The following SEMA3C variants were observed in gnomAD, a reference collection of about 807,000 sequenced individuals.
The protein encoded by SEMA3C is semaphorin-3C.
A neutral mutation model predicts 89.4 loss-of-function variants in SEMA3C; 47 were observed. The observed-to-expected ratio is 0.53, with a 90% CI of 0.42 to 0.67. The LOEUF (loss-of-function observed/expected upper bound fraction) is 0.67. SEMA3C is among the 30% of genes least tolerant of loss of function. SEMA3C has a pLI of 0.00. For missense variants in SEMA3C, 839 were observed against 929.1 expected (o/e 0.90, Z 1.26); for synonymous variants, 310 against 320.2 (o/e 0.97, Z 0.34).
chr7:80,881,091 ATGT>A (rs1791326420), intron 2 of SEMA3C, among the ~76,000 whole-genome samples: 1 of 151,636 alleles, frequency 6.6e-6, no homozygotes, highest in African/African-American at 2.4e-5. Context: ...AGGATGTACG[ATGT>A]TGTTTCTGAT....
intron 4 of SEMA3C, among the ~76,000 whole-genome samples, chr7:80,819,196 T>C (rs1336849846): frequency 6.8e-6 from 1 of 146,278 alleles, no homozygotes; most frequent in African/African-American, 2.5e-5. Context: ...TCCATTTTTT[T>C]ATTGTTAAAA....
chr7:80,765,375 CA>C, intron 12 of SEMA3C, 132 bp from the exon 13 acceptor site: 2 of 620,748 alleles, frequency 3.2e-6, no homozygotes, highest in South Asian at 2.2e-5. Context: ...TGTATTAAGC[CA>C]CTGCCATGTG....
chr7:80,864,022 A>G (rs1790866325), intron 2 of SEMA3C, among the ~76,000 whole-genome samples: 1 of 151,672 alleles, frequency 6.6e-6, no homozygotes, highest in African/African-American at 2.4e-5. Flanking sequence ...TATATCACAT[A>G]TATATCACAT....
intron 2 of SEMA3C, among the ~76,000 whole-genome samples, chr7:80,841,350 C>T (rs1042519474): frequency 6.6e-6 from 1 of 152,072 alleles, no homozygotes; most frequent in Admixed American, 6.6e-5. Flanking sequence ...AAAGTCTTGA[C>T]AAAAATGCAA....
intron 16 of SEMA3C, among the ~76,000 whole-genome samples, chr7:80,749,782 G>A (rs914420713): frequency 2.0e-5 from 3 of 152,046 alleles, no homozygotes; most frequent in Non-Finnish European, 4.4e-5. Flanking sequence ...AATAAAGCAG[G>A]AATAATAAGA....
In SEMA3C at chr7:80,743,670, T is replaced by G. The variant is rs1787732284; in HGVS notation, c.*1224A>C. ...TTATTCTAATAAAATTATTCTAACA[T>G]ACAATTAGGAGATAATTATTTTATT... is the stretch of plus-strand genomic sequence containing the variant. On this transcript the variant is annotated 3_prime_UTR_variant, in exon 18 of 18. Coordinates refer to ENST00000265361, the MANE Select transcript of SEMA3C (RefSeq NM_006379.5). The G allele has an allele frequency of 6.6e-6, 1 of 151,724 alleles. No homozygotes were observed. Among genetic ancestry groups the G allele is most frequent in the Admixed American group, 6.6e-5 (1 of 15,246 alleles). The allele number at this position is 151,724 out of a possible 1,614,324, so 9.4% of individuals were successfully genotyped here. A position where few individuals can be genotyped will look rare whatever the true frequency, so the allele number is the denominator to read the frequency against.
chr7:80,762,618 G>A (rs1389809448), intron 13 of SEMA3C, among the ~76,000 whole-genome samples: 1 of 152,046 alleles, frequency 6.6e-6, no homozygotes, highest in Non-Finnish European at 1.5e-5. Context: ...TCAGGAGTTC[G>A]AGACCAGCCT....
At chr7:80,898,274 G>C (rs760985063) in intron 2 of SEMA3C, among the ~76,000 whole-genome samples, 1 of 152,162 alleles carries the variant, frequency 6.6e-6, no homozygotes, top group African/African-American at 2.4e-5. Flanking sequence ...GCTGGGGCAG[G>C]AGAATCGCTT....
chr7:80,796,264 T>C (rs1238173405), intron 11 of SEMA3C: 1 of 152,336 alleles, frequency 6.6e-6, no homozygotes, highest in East Asian at 1.9e-4. Flanking sequence ...GCATAAAATA[T>C]GTTGAGTAAA....
upstream of SEMA3C, among the ~76,000 whole-genome samples, chr7:80,919,737 C>T (rs1459352695): frequency 6.6e-6 from 1 of 151,934 alleles, no homozygotes; most frequent in East Asian, 1.9e-4. Context: ...TACAGGCTCC[C>T]ACCACCACGC....
At chr7:80,922,263 A>C, upstream of SEMA3C, 2 of 1,288,666 alleles carry the variant, frequency 1.6e-6, no homozygotes, top group Non-Finnish European at 2.0e-6. Context: ...ACTTCCTCTT[A>C]CCTTTTTTGC....
chr7:80,809,964 GA>G (rs1324253132), intron 6 of SEMA3C, among the ~76,000 whole-genome samples: 2 of 151,668 alleles, frequency 1.3e-5, no homozygotes, highest in Non-Finnish European at 1.5e-5. Context: ...AGGACAGAGG[GA>G]GGGGCAAAAA....
At chr7:80,753,493 T>C (rs933703603) in intron 15 of SEMA3C, among the ~76,000 whole-genome samples, 1 of 152,154 alleles carries the variant, frequency 6.6e-6, no homozygotes, top group Non-Finnish European at 1.5e-5. Context: ...CAGTATCACA[T>C]AGCTTCTAGA....
intron 2 of SEMA3C, among the ~76,000 whole-genome samples, chr7:80,915,487 G>A (rs557388435): frequency 4.9e-4 from 74 of 152,120 alleles, no homozygotes; most frequent in Non-Finnish European, 3.7e-4. Context: ...GAGGCCAGGC[G>A]TGGTGGCTCA....
At chr7:80,836,020 T>A (rs1490075984) in intron 2 of SEMA3C, among the ~76,000 whole-genome samples, 1 of 152,218 alleles carries the variant, frequency 6.6e-6, no homozygotes, top group Non-Finnish European at 1.5e-5. Context: ...TAGTTGGGTT[T>A]CTTTCATGTT....
chr7:80,799,089 G>A (rs970578427), intron 10 of SEMA3C, among the ~76,000 whole-genome samples: 1 of 152,140 alleles, frequency 6.6e-6, no homozygotes, highest in Non-Finnish European at 1.5e-5. Flanking sequence ...ATTTTCTTAA[G>A]AATTTGATTT....
chr7:80,823,114 T>G (rs1789792007), intron 4 of SEMA3C, among the ~76,000 whole-genome samples: 1 of 152,226 alleles, frequency 6.6e-6, no homozygotes, highest in Non-Finnish European at 1.5e-5. Context: ...TATGTCTATA[T>G]AACAAAACCC....
intron 2 of SEMA3C, among the ~76,000 whole-genome samples, chr7:80,829,438 T>C (rs1169929684): frequency 6.6e-6 from 1 of 152,154 alleles, no homozygotes; most frequent in African/African-American, 2.4e-5. Context: ...TAATGTTTTA[T>C]TTTTGGACTC....
chr7:80,919,078 G>A (rs1488592413), upstream of SEMA3C: 2 of 985,172 alleles, frequency 2.0e-6, no homozygotes, highest in Non-Finnish European at 2.4e-6. Flanking sequence ...GAGGCCGGGG[G>A]CGAGCGCTCT....
Sources: allele counts gnomAD v4.1 joint callset (sites outside exome capture counted in the v4.1 genomes callset), GRCh38; gene constraint gnomAD v4.1.1; transcripts MANE v1.5; gene names NCBI Gene and HGNC (gene_info 2026-07-23, HGNC 2026-07-21).